Variants in KIAA1549 observed in about 807,000 individuals in gnomAD.
KIAA1549 encodes the protein KIAA1549, also known as UPF0606 protein KIAA1549.
A neutral mutation model predicts 156.4 loss-of-function variants in KIAA1549; 70 were observed. The observed-to-expected ratio is 0.45, with a 90% CI of 0.37 to 0.55. The LOEUF (loss-of-function observed/expected upper bound fraction) is 0.55, where lower values mean the gene tolerates loss of function less well. KIAA1549 is among the 20% of genes least tolerant of loss of function. KIAA1549 has a pLI of 0.00. For synonymous variants in KIAA1549, 1,103 were observed against 1,066.4 expected (o/e 1.03, Z -0.67); for missense variants, 2,428 against 2,540.9 (o/e 0.96, Z 0.96).
intron 10 of KIAA1549, among the ~76,000 whole-genome samples, chr7:138,887,871 A>G (rs1811442735): frequency 6.6e-6 from 1 of 152,250 alleles, no homozygotes; most frequent in African/African-American, 2.4e-5. Flanking sequence ...CAGCAGCAGC[A>G]GCAGCAGCAG....
intron 16 of KIAA1549, among the ~76,000 whole-genome samples, chr7:138,858,596 A>G (rs1345383220): frequency 1.3e-5 from 2 of 152,118 alleles, no homozygotes; most frequent in Non-Finnish European, 2.9e-5. Flanking sequence ...AGTTGGGGCT[A>G]ATTTTGCCCC....
intron 1 of KIAA1549, among the ~76,000 whole-genome samples, chr7:138,925,172 C>T (rs745929178): frequency 6.6e-6 from 1 of 152,176 alleles, no homozygotes; most frequent in Non-Finnish European, 1.5e-5. Context: ...CATGATGATA[C>T]AGTAGTGAGG....
At chr7:138,843,846 C>G (rs1056631360) in intron 18 of KIAA1549, among the ~76,000 whole-genome samples, 1 of 152,086 alleles carries the variant, frequency 6.6e-6, no homozygotes, top group Admixed American at 6.5e-5. Context: ...CCTAGAAAAA[C>G]CATAATGAAA....
At chr7:138,869,470 C>T (rs1810854771) in intron 14 of KIAA1549, 68 bp downstream of exon 14, 6 of 1,270,094 alleles carry the variant, frequency 4.7e-6, no homozygotes, top group African/African-American at 3.0e-5. Flanking sequence ...GGCTCCTGTC[C>T]TGCTCCTGTG....
chr7:138,951,627 T>G (rs1813502484), intron 1 of KIAA1549, among the ~76,000 whole-genome samples: 1 of 152,134 alleles, frequency 6.6e-6, no homozygotes, highest in African/African-American at 2.4e-5. Flanking sequence ...ATAAAACTAG[T>G]GATTTAAAAT....
At chr7:138,876,118 C>T (rs1811078208) in intron 12 of KIAA1549, among the ~76,000 whole-genome samples, 1 of 152,210 alleles carries the variant, frequency 6.6e-6, no homozygotes, top group Non-Finnish European at 1.5e-5. Context: ...CACCTGACCA[C>T]AGGCACTTAG....
chr7:138,913,454 T>A (rs1299384060), intron 2 of KIAA1549, among the ~76,000 whole-genome samples: 2 of 152,232 alleles, frequency 1.3e-5, no homozygotes, highest in Admixed American at 1.3e-4. Context: ...TCTCTCAGTA[T>A]TTAGTAAGCG....
intron 12 of KIAA1549, among the ~76,000 whole-genome samples, chr7:138,873,163 T>C (rs1810986278): frequency 6.6e-6 from 1 of 152,226 alleles, no homozygotes; most frequent in South Asian, 2.1e-4. Context: ...AAGCACAGCA[T>C]TGCTATGTAA....
intron 10 of KIAA1549, among the ~76,000 whole-genome samples, chr7:138,885,429 C>T (rs1470398923): frequency 6.6e-6 from 1 of 152,170 alleles, no homozygotes; most frequent in Non-Finnish European, 1.5e-5. Context: ...CCTCCTGCCC[C>T]CGTCTCTTGC....
Position 138,881,283 on chromosome 7 carries a change from T to C in KIAA1549, c.4229+105A>G, listed in dbSNP as rs774032857. On this transcript the variant is annotated intron_variant, in intron 11 of 19. Coordinates refer to ENST00000422774, the MANE Select transcript of KIAA1549 (RefSeq NM_001164665.2). ...AGTCATCAGTCTGCTGGGCTGCACA[T>C]GCAGGGCTGCGCTCACCATCAGCCC... The C allele has an allele frequency of 1.3e-4, 143 of 1,143,152 alleles. No individual in the cohort carries two copies. The Middle Eastern group carries it at 1.5e-3, about 12-fold the overall frequency. The allele number at this position is 1,143,152 out of a possible 1,614,324, so 70.8% of individuals were successfully genotyped here.
At chr7:138,912,576 T>C in intron 2 of KIAA1549, 116 bp from the exon 3 acceptor site, 1 of 825,326 alleles carries the variant, frequency 1.2e-6, no homozygotes, top group South Asian at 1.5e-5. Flanking sequence ...AAAAGTCTTT[T>C]TGTAAAATAA....
intron 1 of KIAA1549, among the ~76,000 whole-genome samples, chr7:138,957,721 G>C (rs551929938): frequency 1.3e-5 from 2 of 152,008 alleles, no homozygotes; most frequent in East Asian, 1.9e-4. Flanking sequence ...CAGCTGATCC[G>C]CCCACCTCAG....
intron 1 of KIAA1549, among the ~76,000 whole-genome samples, chr7:138,929,942 G>A (rs1812824877): frequency 6.6e-6 from 1 of 152,116 alleles, no homozygotes; most frequent in African/African-American, 2.4e-5. Context: ...CAATCCTCCT[G>A]CCTCGGCCTC....
intron 1 of KIAA1549, among the ~76,000 whole-genome samples, chr7:138,940,991 T>G (rs1813167332): frequency 6.6e-6 from 1 of 152,160 alleles, no homozygotes; most frequent in African/African-American, 2.4e-5. Flanking sequence ...CGGTAGTTTC[T>G]TTTGCTGTGC....
At position 138,981,290 on chromosome 7, in the gene KIAA1549, C is replaced by G; in HGVS notation, c.-21G>C. ...GGCATTCCCGGCCGGCGCCCCGGCC[C>G]GGCCTCGCGGCTCAGCGGCTCTCGG... is the stretch of plus-strand genomic sequence containing the variant. On this transcript the variant is annotated 5_prime_UTR_variant, in exon 1 of 20. Coordinates refer to ENST00000422774, the MANE Select transcript of KIAA1549 (RefSeq NM_001164665.2). The surrounding 1 kb of genome is among the most constrained non-coding windows in gnomAD (Gnocchi z 4.5). 1.0e-6 allele frequency: 1 copy of G among 958,194 alleles called. No homozygotes were observed. The highest frequency in any genetic ancestry group is 1.2e-6 in the Non-Finnish European group (1 of 808,076). The allele number at this position is 958,194 out of a possible 1,614,324, so 59.4% of individuals were successfully genotyped here.
At chr7:138,973,277 C>T (rs548425199) in intron 1 of KIAA1549, among the ~76,000 whole-genome samples, 2 of 152,202 alleles carry the variant, frequency 1.3e-5, no homozygotes, top group Non-Finnish European at 2.9e-5. Context: ...GCTTGTGGAA[C>T]ATTTCAAAAA....
intron 14 of KIAA1549, among the ~76,000 whole-genome samples, chr7:138,868,438 C>CT (rs1399341674): frequency 1.3e-5 from 2 of 152,036 alleles, no homozygotes; most frequent in Admixed American, 6.6e-5. Context: ...TTTTATTATT[C>CT]TTTTTTTGAG....
chr7:138,844,563 A>G (rs1237562903), intron 17 of KIAA1549, 89 bp from the exon 18 acceptor site: 7 of 1,231,914 alleles, frequency 5.7e-6, no homozygotes, highest in Non-Finnish European at 6.5e-6. Context: ...TACAGAAGGT[A>G]ACACTTATTT....
At chr7:138,855,222 A>C (rs1241863313) in intron 16 of KIAA1549, among the ~76,000 whole-genome samples, 1 of 152,206 alleles carries the variant, frequency 6.6e-6, no homozygotes, top group Non-Finnish European at 1.5e-5. Context: ...GGAAAACGCA[A>C]GACAAGCTAA....
Sources: allele counts gnomAD v4.1 joint callset (sites outside exome capture counted in the v4.1 genomes callset), GRCh38; gene constraint gnomAD v4.1.1; non-coding constraint Gnocchi (gnomAD v3.1); transcripts MANE v1.5; gene names NCBI Gene and HGNC (gene_info 2026-07-23, HGNC 2026-07-21).